Variants in ARHGAP15 observed in about 807,000 individuals in gnomAD.
The protein encoded by ARHGAP15 is Rho GTPase activating protein 15.
ARHGAP15 carries 51 observed loss-of-function variants against 63.7 expected under a neutral mutation model. The observed-to-expected ratio is 0.80, with a 90% CI of 0.64 to 1.01. The LOEUF is 1.01. Ranked by LOEUF, ARHGAP15 falls within the 50% of genes least tolerant of loss-of-function variation. ARHGAP15 has a pLI of 0.00. For synonymous variants in ARHGAP15, 191 were observed against 193.8 expected, an observed-to-expected ratio of 0.99 and a Z score of 0.12; for missense variants, 560 against 564.6, an observed-to-expected ratio of 0.99 and a Z score of 0.08.
intron 5 of ARHGAP15, among the ~76,000 whole-genome samples, chr2:143,233,372 T>C (rs1019666935): frequency 3.3e-5 from 5 of 152,074 alleles, no homozygotes; most frequent in Admixed American, 6.6e-5. Context: ...TCTTTGAATA[T>C]AGAATTTTTA....
intron 6 of ARHGAP15, among the ~76,000 whole-genome samples, chr2:143,400,543 A>G (rs1250078486): frequency 2.0e-5 from 3 of 152,008 alleles, no homozygotes. Context: ...TGCAAGTGCC[A>G]TGCAAATCCT....
intron 12 of ARHGAP15, among the ~76,000 whole-genome samples, chr2:143,661,777 A>T (rs1681798067): frequency 6.6e-6 from 1 of 152,252 alleles, no homozygotes; most frequent in Non-Finnish European, 1.5e-5. Context: ...GCAAGGGGTC[A>T]GGGAGTTCCC....
rs192905417 is a variant in ARHGAP15 at position 143,338,653 on chromosome 2, A to T, written c.474+88053A>T. Among the ~76,000 whole-genome samples, 367 of 152,284 alleles carry T rather than the reference A, an allele frequency of 2.4e-3. 4 individuals carry two copies. Among genetic ancestry groups the T allele is most frequent in the African/African-American group, 8.5e-3 (352 of 41,572 alleles). On this transcript the variant is annotated intron_variant, in intron 6 of 13. Transcript: ENST00000295095. ...TAATGACTTTATATATTTCCATTTA[A>T]GTAGCTTTTTCTTGCAAACTCTTTA...
At chr2:143,710,879 G>C (rs1684549661) in intron 13 of ARHGAP15, among the ~76,000 whole-genome samples, 1 of 152,166 alleles carries the variant, frequency 6.6e-6, no homozygotes, top group African/African-American at 2.4e-5. Flanking sequence ...TTTTGTTCAG[G>C]TGTTAATTAA....
intron 2 of ARHGAP15, chr2:143,193,472 A>G (rs1028178306): frequency 3.3e-5 from 5 of 152,646 alleles, no homozygotes; most frequent in African/African-American, 1.2e-4. Flanking sequence ...CTTCAGAACT[A>G]AATCTGCTTT....
In ARHGAP15 at chr2:143,735,800, A is replaced by T. The variant is rs548630169; in HGVS notation, c.1245-32189A>T. On this transcript the variant is annotated intron_variant, in intron 13 of 13. Transcript: ENST00000295095. ...TCCACAGTAGTAAAGTATAACTACAATATTTTTTGTCCAACAAAACTATCC... is the reference window on the plus strand; with the variant it reads ...TCCACAGTAGTAAAGTATAACTACATTATTTTTTGTCCAACAAAACTATCC... 1.1e-4 allele frequency among the ~76,000 whole-genome samples: 16 copies of T among 152,348 alleles called. No individual in the cohort carries two copies. The East Asian group carries it at 3.1e-3, about 29-fold the overall frequency.
intron 6 of ARHGAP15, among the ~76,000 whole-genome samples, chr2:143,389,789 G>A (rs547559559): frequency 6.6e-6 from 1 of 152,190 alleles, no homozygotes; most frequent in East Asian, 1.9e-4. Context: ...CAGAAGTTGT[G>A]AAATATTATT....
chr2:143,256,724 C>T (rs921800903), intron 6 of ARHGAP15, among the ~76,000 whole-genome samples: 9 of 151,814 alleles, frequency 5.9e-5, no homozygotes, highest in Non-Finnish European at 8.8e-5. Flanking sequence ...TTTGTTGATG[C>T]GGTCACACAG....
chr2:143,594,755 A>G (rs1303761531), intron 11 of ARHGAP15, among the ~76,000 whole-genome samples: 1 of 152,154 alleles, frequency 6.6e-6, no homozygotes. Flanking sequence ...TTACCTCTCA[A>G]AGAAAATCTG....
intron 6 of ARHGAP15, among the ~76,000 whole-genome samples, chr2:143,267,177 C>T (rs1370505616): frequency 6.6e-6 from 1 of 152,126 alleles, no homozygotes; most frequent in Non-Finnish European, 1.5e-5. Flanking sequence ...CTACCACAGT[C>T]CCTACACAAC....
At chr2:143,574,326 G>T (rs780836095) in intron 11 of ARHGAP15, among the ~76,000 whole-genome samples, 1 of 152,046 alleles carries the variant, frequency 6.6e-6, no homozygotes, top group African/African-American at 2.4e-5. Context: ...CTTCCTTATT[G>T]TAGAAAGAGC....
chr2:143,558,300 A>G (rs1695891987), intron 11 of ARHGAP15, among the ~76,000 whole-genome samples: 1 of 151,958 alleles, frequency 6.6e-6, no homozygotes, highest in African/African-American at 2.4e-5. Context: ...CCCATCCCAC[A>G]TACACAAGCT....
intron 6 of ARHGAP15, among the ~76,000 whole-genome samples, chr2:143,318,525 T>G (rs936907811): frequency 7.0e-6 from 1 of 142,118 alleles, no homozygotes; most frequent in African/African-American, 2.6e-5. Flanking sequence ...TTTTTTTTTT[T>G]TTTTTTTTTT....
intron 5 of ARHGAP15, chr2:143,236,150 T>G: frequency 1.5e-6 from 1 of 688,494 alleles, no homozygotes; most frequent in Non-Finnish European, 2.2e-6. Context: ...TTTTGTTTTG[T>G]TTTTACATTA....
intron 6 of ARHGAP15, among the ~76,000 whole-genome samples, chr2:143,433,505 A>G (rs1213747558): frequency 6.6e-6 from 1 of 152,116 alleles, no homozygotes; most frequent in Non-Finnish European, 1.5e-5. Context: ...TGATTAATGC[A>G]GTAATATATT....
intron 8 of ARHGAP15, among the ~76,000 whole-genome samples, chr2:143,467,309 A>G (rs1344572348): frequency 1.6e-5 from 2 of 124,184 alleles, no homozygotes; most frequent in Non-Finnish European, 3.2e-5. Context: ...CTCTGAAATG[A>G]GTGTACAATT....
At chr2:143,591,714 G>A (rs1697329597) in intron 11 of ARHGAP15, among the ~76,000 whole-genome samples, 2 of 151,240 alleles carry the variant, frequency 1.3e-5, no homozygotes, top group African/African-American at 4.9e-5. Context: ...CCGCCTCTCA[G>A]GTTCAAGCGA....
chr2:143,471,141 A>G (rs80234664), intron 8 of ARHGAP15, among the ~76,000 whole-genome samples: 14,845 of 146,468 alleles, frequency 0.1, 947 homozygotes, highest in South Asian at 0.17. Context: ...GTATACACAC[A>G]TGTGTGTGTA....
intron 9 of ARHGAP15, among the ~76,000 whole-genome samples, chr2:143,494,113 T>G (rs1692710561): frequency 6.6e-6 from 1 of 152,162 alleles, no homozygotes; most frequent in South Asian, 2.1e-4. Flanking sequence ...TATGATTCTT[T>G]CTTCAGTGCT....
Sources: gnomAD v4.1 joint callset for allele counts (sites outside exome capture counted in the v4.1 genomes callset) on GRCh38, gnomAD v4.1.1 for gene constraint, MANE v1.5 for transcripts, NCBI Gene and HGNC (gene_info 2026-07-23, HGNC 2026-07-21) for gene names.